The following FMN1 variants were observed in gnomAD, a reference collection of about 807,000 sequenced individuals.
FMN1 encodes formin 1.
FMN1 carries 110 observed loss-of-function variants against 132.4 expected under a neutral mutation model. The observed-to-expected ratio is 0.83, with a 90% CI of 0.71 to 0.97. The LOEUF is 0.97. Ranked by LOEUF, FMN1 falls within the 50% of genes least tolerant of loss-of-function variation. The pLI is 0.00. For missense variants in FMN1, 1,792 were observed against 1,705.3 expected, an observed-to-expected ratio of 1.05 and a Z score of -0.90; for synonymous variants, 722 against 651.7, an observed-to-expected ratio of 1.11 and a Z score of -1.64.
In FMN1 at chr15:33,065,201, A is replaced by T. The variant is rs933766530; in HGVS notation, c.2044-127T>A. ...TAGTTGCACATTGCTCTCATTCACT[A>T]TAATTCAGATATCTCACTATAGTGT... On this transcript the variant is annotated intron_variant, in intron 5 of 20. Coordinates refer to ENST00000616417, the MANE Select transcript of FMN1 (RefSeq NM_001277313.2). The T allele has an allele frequency of 4.4e-5, 25 of 572,908 alleles. 1 individual carries two copies. In the African/African-American group the frequency reaches 4.5e-4, roughly 10 times the overall value. The allele number at this position is 572,908 out of a possible 1,614,324, so 35.5% of individuals were successfully genotyped here. A position where few individuals can be genotyped will look rare whatever the true frequency, so the allele number is the denominator to read the frequency against.
chr15:32,786,928 A>T (rs2140921659), intron 19 of FMN1, among the ~76,000 whole-genome samples: 1 of 152,262 alleles, frequency 6.6e-6, no homozygotes, highest in South Asian at 2.1e-4. Flanking sequence ...CAGTTCCCAG[A>T]GCGAAATTGT....
At chr15:33,194,146 A>G (rs1966180457) in intron 1 of FMN1, 86 bp from the exon 2 acceptor site, 2 of 145,576 alleles carry the variant, frequency 1.4e-5, no homozygotes, top group African/African-American at 5.2e-5. Context: ...TCCCAATGCA[A>G]TCCCATTGTG....
intron 16 of FMN1, among the ~76,000 whole-genome samples, chr15:32,882,725 A>G (rs2059799965): frequency 6.6e-6 from 1 of 152,210 alleles, no homozygotes; most frequent in African/African-American, 2.4e-5. Context: ...TATTTGAGAT[A>G]CACTTACATT....
At chr15:32,842,931 T>C (rs1252374745) in intron 17 of FMN1, among the ~76,000 whole-genome samples, 1 of 151,826 alleles carries the variant, frequency 6.6e-6, no homozygotes, top group Non-Finnish European at 1.5e-5. Context: ...ATCGGGGCCA[T>C]CCTGGCCAAC....
chr15:33,120,538 TG>T (rs1330665327), intron 4 of FMN1, among the ~76,000 whole-genome samples: 1 of 152,204 alleles, frequency 6.6e-6, no homozygotes, highest in Non-Finnish European at 1.5e-5. Flanking sequence ...GAAAACCTCA[TG>T]TCGCCAACCC....
intron 6 of FMN1, among the ~76,000 whole-genome samples, chr15:33,048,730 C>T (rs566341510): frequency 2.0e-5 from 3 of 150,856 alleles, no homozygotes; most frequent in Admixed American, 1.3e-4. Context: ...GAGCAAGTCA[C>T]ATCTCACATG....
intron 6 of FMN1, among the ~76,000 whole-genome samples, chr15:33,032,915 G>C (rs769520539): frequency 6.6e-5 from 10 of 152,144 alleles, no homozygotes; most frequent in Non-Finnish European, 1.5e-4. Flanking sequence ...ACTTCGCAAG[G>C]TCATTGTGAG....
chr15:32,978,377 A>G (rs536342763), intron 7 of FMN1, among the ~76,000 whole-genome samples: 1 of 152,346 alleles, frequency 6.6e-6, no homozygotes, highest in African/African-American at 2.4e-5. Flanking sequence ...AACTTCAGTA[A>G]TATTTTATTT....
Position 33,048,644 on chromosome 15 carries a change from A to AAAAAAAAAAAAAAAAAAAAACAAAAAC in FMN1, c.2161+16312_2161+16313insGTTTTTGTTTTTTTTTTTTTTTTTTTT. On this transcript the variant is annotated intron_variant, in intron 6 of 20. Transcript: ENST00000616417. Reference sequence around the variant, plus strand: ...TGGGCAATTTACCAAAAAAAAAAAAAAAAAACCAACAGTTTAATGGACTTA... The same window carrying AAAAAAAAAAAAAAAAAAAAACAAAAAC: ...TGGGCAATTTACCAAAAAAAAAAAAAAAAAAAAAAAAAAAAAAAAACAAAAACAAAAACCAACAGTTTAATGGACTTA... Among the ~76,000 whole-genome samples, 68 of 86,896 alleles carry AAAAAAAAAAAAAAAAAAAAACAAAAAC rather than the reference A, an allele frequency of 7.8e-4. 2 individuals are homozygous for AAAAAAAAAAAAAAAAAAAAACAAAAAC. Among genetic ancestry groups the AAAAAAAAAAAAAAAAAAAAACAAAAAC allele is most frequent in the African/African-American group, 1.7e-3 (42 of 24,318 alleles). The allele number at this position is 86,896 out of a possible 152,430, so 57.0% of individuals were successfully genotyped here.
In FMN1 at chr15:32,797,975, C is replaced by T. The variant is rs144757437; in HGVS notation, c.4130+829G>A. On this transcript the variant is annotated intron_variant, in intron 19 of 20. Transcript: ENST00000616417. Reference sequence around the variant, plus strand: ...ATAATGAAATATATCATTTTCCTTACGCTGAGGAATTTTTTGTCTCCTTCC... The same window carrying T: ...ATAATGAAATATATCATTTTCCTTATGCTGAGGAATTTTTTGTCTCCTTCC... 5.0e-3 allele frequency among the ~76,000 whole-genome samples: 759 copies of T among 152,176 alleles called. 14 individuals carry two copies. The highest frequency in any genetic ancestry group is 1.0e-2 in the South Asian group (48 of 4,818).
intron 7 of FMN1, among the ~76,000 whole-genome samples, chr15:33,005,165 T>C (rs2034347506): frequency 1.3e-5 from 2 of 151,856 alleles, no homozygotes; most frequent in South Asian, 4.2e-4. Context: ...GTTGTGCATA[T>C]GTACCCTAAA....
At chr15:32,820,836 C>T (rs867674450) in intron 17 of FMN1, among the ~76,000 whole-genome samples, 5 of 152,190 alleles carry the variant, frequency 3.3e-5, no homozygotes, top group Middle Eastern at 3.4e-3. Flanking sequence ...CATGCTTTTG[C>T]TTGTCTATTA....
chr15:33,125,578 A>T (rs924567555), intron 4 of FMN1, among the ~76,000 whole-genome samples: 7 of 152,192 alleles, frequency 4.6e-5, no homozygotes, highest in Non-Finnish European at 8.8e-5. Context: ...GGTGTCTCAC[A>T]CCTGTAATCC....
intron 10 of FMN1, among the ~76,000 whole-genome samples, chr15:32,911,578 G>C (rs2060563116): frequency 6.6e-6 from 1 of 152,120 alleles, no homozygotes; most frequent in African/African-American, 2.4e-5. Context: ...CTGTGGTTTA[G>C]AATCACATGA....
chr15:32,847,817 T>A (rs1360863930), intron 17 of FMN1, among the ~76,000 whole-genome samples: 1 of 152,140 alleles, frequency 6.6e-6, no homozygotes, highest in East Asian at 1.9e-4. Context: ...ATCGCGCCAC[T>A]GCACTCCAGC....
intron 2 of FMN1, among the ~76,000 whole-genome samples, chr15:33,186,527 A>G (rs57410113): frequency 3.1e-4 from 47 of 152,322 alleles, no homozygotes; most frequent in African/African-American, 1.1e-3. Context: ...TTTTGCCAGG[A>G]TCACAAATAC....
Position 33,153,828 on chromosome 15 carries a change from C to G in FMN1, c.1087G>C (p.Glu363Gln), listed in dbSNP as rs1188877710. ...AGCAAGTCGGCTTTGGGTACAAACT[C>G]AGCGTGGGCTGCTGGGCGAATGGCA... Reference protein sequence around the residue: ...TIAIRPAAHAEFVPKADLLTL... With the variant: ...TIAIRPAAHAQFVPKADLLTL... The change falls in exon 4 of 21, where the codon GAG (glutamate) becomes CAG (glutamine). Residue 363 changes from glutamate (E) to glutamine (Q), a missense_variant. Physicochemically the swap from Glu to Gln is conservative, Grantham distance 29. Around this residue, in one of 3 missense-constraint regions of FMN1, gnomAD observed 638 missense variants for 645.2 expected, o/e 0.99. Transcript: ENST00000616417. The G allele has an allele frequency of 6.5e-7, 1 of 1,536,378 alleles. No individual in the cohort carries two copies. The highest frequency in any genetic ancestry group is 8.7e-7 in the Non-Finnish European group (1 of 1,147,004).
At chr15:33,068,107 G>T (rs1261827167) in intron 5 of FMN1, 6 of 1,222,416 alleles carry the variant, frequency 4.9e-6, no homozygotes, top group Non-Finnish European at 6.5e-6. Context: ...AAAATCTGTG[G>T]AGTCTATGCC....
intron 15 of FMN1, among the ~76,000 whole-genome samples, chr15:32,895,767 T>A (rs1206360956): frequency 1.3e-5 from 2 of 151,478 alleles, no homozygotes; most frequent in African/African-American, 2.4e-5. Flanking sequence ...ATTCTCGAGT[T>A]CATTGTCTAT....
Sources: allele counts gnomAD v4.1 joint callset (sites outside exome capture counted in the v4.1 genomes callset), GRCh38; gene constraint gnomAD v4.1.1; regional missense constraint gnomAD v4.1.1; transcripts MANE v1.5; gene names NCBI Gene and HGNC (gene_info 2026-07-23, HGNC 2026-07-21).